The following ARHGAP12 variants were observed in gnomAD, a reference collection of about 807,000 sequenced individuals.
ARHGAP12 encodes rho GTPase-activating protein 12.
ARHGAP12 carries 64 observed loss-of-function variants against 108.6 expected under a neutral mutation model. The observed-to-expected ratio is 0.59, with a 90% CI of 0.48 to 0.73. ARHGAP12 has a LOEUF of 0.73. ARHGAP12 is among the 30% of genes least tolerant of loss of function. The probability of loss-of-function intolerance (pLI) is 0.00; values close to 1 mark genes in which losing one functional copy is unlikely to be tolerated. For synonymous variants in ARHGAP12, 312 were observed against 337.2 expected, an observed-to-expected ratio of 0.93 and a Z score of 0.82; for missense variants, 940 against 1,005.9, an observed-to-expected ratio of 0.93 and a Z score of 0.89.
At chr10:31,925,973 C>T (rs1840019906) in intron 1 of ARHGAP12, among the ~76,000 whole-genome samples, 3 of 152,070 alleles carry the variant, frequency 2.0e-5, no homozygotes, top group African/African-American at 7.2e-5. Flanking sequence ...TTTTTTTCCA[C>T]GTGCTTACTT....
rs1290843268 is a variant in ARHGAP12 at position 31,807,830 on chromosome 10, ACTCTG to A, written c.2367-3_2368del. Reference sequence around the variant, plus strand: ...TCGATTTTTCTCTCCATTTTCTATAACTCTGAAGGGAAAAAAAGAAGTTGTTAAAA... The same window carrying A: ...TCGATTTTTCTCTCCATTTTCTATAAAAGGGAAAAAAAGAAGTTGTTAAAA... On this transcript the variant is annotated splice_acceptor_variant and splice_polypyrimidine_tract_variant and coding_sequence_variant and intron_variant, in exon 20 of 20. Coordinates refer to ENST00000344936, the MANE Select transcript of ARHGAP12 (RefSeq NM_018287.7). LOFTEE classifies it high-confidence loss of function. 1 of 1,511,116 alleles carries A rather than the reference ACTCTG, an allele frequency of 6.6e-7. No homozygotes were observed. Among genetic ancestry groups the A allele is most frequent in the African/African-American group, 1.4e-5 (1 of 70,658 alleles). 93.6% of individuals were successfully genotyped at this position (1,511,116 alleles called of 1,614,324 possible). A position where few individuals can be genotyped will look rare whatever the true frequency, so the allele number is the denominator to read the frequency against.
chr10:31,834,957 T>G (rs1181350642), intron 9 of ARHGAP12, among the ~76,000 whole-genome samples: 2 of 152,136 alleles, frequency 1.3e-5, no homozygotes, highest in African/African-American at 4.8e-5. Flanking sequence ...TCTCAGCACT[T>G]TGGGAGGCCA....
rs987549002 is a variant in ARHGAP12, at chr10:31,910,567, T to TA, written c.-110-5dup. 3.9e-5 allele frequency: 6 copies of TA among 152,190 alleles called. No homozygotes were observed. The highest frequency in any genetic ancestry group is 9.6e-5 in the African/African-American group (4 of 41,452). The allele number at this position is 152,190 out of a possible 1,614,324, so 9.4% of individuals were successfully genotyped here. On this transcript the variant is annotated splice_polypyrimidine_tract_variant and splice_region_variant and intron_variant, in intron 1 of 19. Coordinates refer to ENST00000344936, the MANE Select transcript of ARHGAP12 (RefSeq NM_018287.7). ...TACACCAGTATCACATTTAAACCTG[T>TA]AAAAAAATAAATAAGTTCATTAACT...
intron 3 of ARHGAP12, among the ~76,000 whole-genome samples, chr10:31,888,776 T>C (rs1838283165): frequency 6.6e-6 from 1 of 151,984 alleles, no homozygotes; most frequent in Admixed American, 6.5e-5. Flanking sequence ...CTAGGAATCA[T>C]GAGGTAAAAG....
rs1316946874 is a variant in ARHGAP12, at chr10:31,808,711, T to G, written c.2304A>C (p.Leu768=). 6 of 1,613,948 alleles carry G rather than the reference T, an allele frequency of 3.7e-6. No homozygotes were observed. The South Asian group carries it at 5.5e-5, about 15-fold the overall frequency. Residue 768 remains leucine (L), a synonymous_variant, in exon 19 of 20, where the codon CTA becomes CTC. Transcript: ENST00000344936. ...GGTTTGGCTTTGGCAACTGTCTGAT[T>G]AGGTCCTTAACAGCAGCGACTCGCT... ...PRQRVAAVKD[L]IRQLPKPNQD... is the part of the protein sequence containing the mutation.
chr10:31,826,498 G>T, intron 10 of ARHGAP12, 113 bp from the exon 11 acceptor site: 1 of 755,796 alleles, frequency 1.3e-6, no homozygotes, highest in East Asian at 2.8e-5. Flanking sequence ...TTACAGCCTT[G>T]TTGACATTTT....
intron 11 of ARHGAP12, among the ~76,000 whole-genome samples, chr10:31,825,884 C>T (rs764692200): frequency 6.6e-6 from 1 of 152,128 alleles, no homozygotes; most frequent in Non-Finnish European, 1.5e-5. Context: ...ACACTGACAC[C>T]TCAATCACTG....
chr10:31,916,703 G>A (rs561931380), intron 1 of ARHGAP12, among the ~76,000 whole-genome samples: 176 of 152,136 alleles, frequency 1.2e-3, no homozygotes, highest in Non-Finnish European at 2.2e-3. Context: ...TGCAATCTCT[G>A]CCACCCGGGT....
At chr10:31,928,529 T>G (rs1485390277) in intron 1 of ARHGAP12, among the ~76,000 whole-genome samples, 154 bp downstream of exon 1, 3 of 143,418 alleles carry the variant, frequency 2.1e-5, no homozygotes, top group Non-Finnish European at 4.5e-5. Flanking sequence ...TGCGCGCACC[T>G]CCGCGGCGCC....
intron 3 of ARHGAP12, among the ~76,000 whole-genome samples, chr10:31,901,719 A>G (rs2132435176): frequency 6.6e-6 from 1 of 152,232 alleles, no homozygotes; most frequent in East Asian, 1.9e-4. Flanking sequence ...AAAGTTAACA[A>G]TTCTGATGCT....
chr10:31,886,268 G>A (rs1455875461), intron 3 of ARHGAP12, among the ~76,000 whole-genome samples: 1 of 152,066 alleles, frequency 6.6e-6, no homozygotes, highest in Non-Finnish European at 1.5e-5. Context: ...CATTTTTAAT[G>A]TACACATTTT....
chr10:31,918,622 G>A (rs902768115), intron 1 of ARHGAP12, among the ~76,000 whole-genome samples: 1 of 152,118 alleles, frequency 6.6e-6, no homozygotes, highest in African/African-American at 2.4e-5. Flanking sequence ...TGAAAGAATC[G>A]CTCAAGCCTG....
In ARHGAP12 at chr10:31,806,395, T is replaced by C. The variant is rs1016084862; in HGVS notation, c.*1263A>G. 2.0e-5 allele frequency: 3 copies of C among 152,714 alleles called. No individual in the cohort carries two copies. In the East Asian group the frequency reaches 5.8e-4, roughly 29 times the overall value. The allele number at this position is 152,714 out of a possible 1,614,324, so 9.5% of individuals were successfully genotyped here. The stretch of plus-strand genomic sequence containing the variant: ...TTTAAAAATCTTCAACAGACCATGC[T>C]CCCTGTAACAAAACCTTCCAAACCC... On this transcript the variant is annotated 3_prime_UTR_variant, in exon 20 of 20. Coordinates refer to ENST00000344936, the MANE Select transcript of ARHGAP12 (RefSeq NM_018287.7).
intron 1 of ARHGAP12, among the ~76,000 whole-genome samples, chr10:31,926,911 A>AAT (rs1409097305): frequency 6.6e-6 from 1 of 152,172 alleles, no homozygotes; most frequent in Non-Finnish European, 1.5e-5. Flanking sequence ...ATGAACAACT[A>AAT]ATATATATAT....
At chr10:31,928,212 GAC>G (rs1489642587) in intron 1 of ARHGAP12, among the ~76,000 whole-genome samples, 24 of 150,686 alleles carry the variant, frequency 1.6e-4, no homozygotes, top group Admixed American at 4.6e-4. Flanking sequence ...GCCTTTTGCA[GAC>G]ACACGCGCGC....
intron 5 of ARHGAP12, 23 bp downstream of exon 5, chr10:31,854,043 T>C (rs965509120): frequency 2.5e-6 from 4 of 1,592,716 alleles, no homozygotes; most frequent in Non-Finnish European, 3.4e-6. Context: ...CAAAAAACAC[T>C]AGATGAGAAA....
At chr10:31,868,535 CAATG>C (rs1329626793) in intron 3 of ARHGAP12, among the ~76,000 whole-genome samples, 1 of 152,022 alleles carries the variant, frequency 6.6e-6, no homozygotes, top group Non-Finnish European at 1.5e-5. Flanking sequence ...CACAGGAAGT[CAATG>C]GGTCATCAGA....
At chr10:31,871,561 A>G (rs1445444701) in intron 3 of ARHGAP12, among the ~76,000 whole-genome samples, 1 of 152,174 alleles carries the variant, frequency 6.6e-6, no homozygotes, top group Non-Finnish European at 1.5e-5. Context: ...CCCCTGACAA[A>G]GACAATAATA....
intron 16 of ARHGAP12, 119 bp downstream of exon 16, chr10:31,810,530 G>A (rs1834977745): frequency 1.6e-6 from 1 of 637,560 alleles, no homozygotes. Context: ...AACATCTTAG[G>A]ACTATAAGGA....
Sources: gnomAD v4.1 joint callset for allele counts (sites outside exome capture counted in the v4.1 genomes callset) on GRCh38, gnomAD v4.1.1 for gene constraint, MANE v1.5 for transcripts, NCBI Gene and HGNC (gene_info 2026-07-23, HGNC 2026-07-21) for gene names.